Variants in PTPN9 observed in about 807,000 individuals in gnomAD.
PTPN9 encodes protein tyrosine phosphatase non-receptor type 9, also known as tyrosine-protein phosphatase non-receptor type 9.
PTPN9 carries 26 observed loss-of-function variants against 69.8 expected under a neutral mutation model. That is an observed-to-expected ratio of 0.37 (90% CI 0.27 to 0.52). The LOEUF is 0.52. PTPN9 is among the 20% of genes least tolerant of loss of function. PTPN9 has a pLI of 0.91. For missense variants in PTPN9, 549 were observed against 740.3 expected (o/e 0.74, Z 3.00); for synonymous variants, 274 against 272.5 (o/e 1.01, Z -0.05).
At chr15:75,552,609 T>C (rs912896008) in intron 1 of PTPN9, among the ~76,000 whole-genome samples, 7 of 151,836 alleles carry the variant, frequency 4.6e-5, no homozygotes, top group Admixed American at 1.3e-4. Flanking sequence ...CTGAGCATGT[T>C]TGCGGCTCAG....
At chr15:75,507,446 C>CAAAAAAAA (rs762520293) in intron 6 of PTPN9, among the ~76,000 whole-genome samples, 1 of 89,186 alleles carries the variant, frequency 1.1e-5, no homozygotes. Context: ...AACTCTGTCG[C>CAAAAAAAA]AAAAAAAAAA....
intron 1 of PTPN9, among the ~76,000 whole-genome samples, chr15:75,566,204 T>G (rs2075125819): frequency 6.6e-6 from 1 of 151,324 alleles, no homozygotes; most frequent in South Asian, 2.1e-4. Flanking sequence ...ATTCCTGAGA[T>G]CTACCAAAGG....
intron 1 of PTPN9, among the ~76,000 whole-genome samples, chr15:75,568,171 T>C (rs533272088): frequency 6.6e-6 from 1 of 151,948 alleles, no homozygotes; most frequent in Admixed American, 6.6e-5. Flanking sequence ...CTCTGCCTCC[T>C]GTTCGCACCC....
chr15:75,530,661 A>T lies in PTPN9; in HGVS notation c.64-3400T>A, dbSNP rs367714303. ...TATACTATAATATATATTATTATAT[A>T]ATATACTATTATATATATTATTATA... On this transcript the variant is annotated intron_variant, in intron 1 of 12. Coordinates refer to ENST00000618819, the MANE Select transcript of PTPN9 (RefSeq NM_002833.4). Among the ~76,000 whole-genome samples, 55 of 49,968 alleles carry T rather than the reference A, an allele frequency of 1.1e-3. 2 individuals are homozygous for T. Among genetic ancestry groups the T allele is most frequent in the African/African-American group, 9.9e-4 (9 of 9,084 alleles). The allele number at this position is 49,968 out of a possible 152,430, so 32.8% of individuals were successfully genotyped here.
At position 75,569,062 on chromosome 15, in the gene PTPN9, C is replaced by T. The variant is rs532177916; in HGVS notation, c.63+9652G>A. On this transcript the variant is annotated intron_variant, in intron 1 of 12. Coordinates refer to ENST00000618819, the MANE Select transcript of PTPN9 (RefSeq NM_002833.4). ...TGGTCAGGAAGAGCAACCAAGATCT[C>T]GCATGGAGGTGTGCTTAGGGGGAAA... 3.7e-4 allele frequency among the ~76,000 whole-genome samples: 57 copies of T among 152,150 alleles called. 1 individual carries two copies. Among genetic ancestry groups the T allele is most frequent in the African/African-American group, 1.3e-3 (55 of 41,522 alleles).
At chr15:75,486,912 G>C (rs1370032364) in intron 8 of PTPN9, among the ~76,000 whole-genome samples, 1 of 150,978 alleles carries the variant, frequency 6.6e-6, no homozygotes, top group Non-Finnish European at 1.5e-5. Flanking sequence ...GGCCTCCCGA[G>C]TAGCTGGGAC....
chr15:75,529,049 C>T (rs543404452), intron 1 of PTPN9, among the ~76,000 whole-genome samples: 11 of 151,816 alleles, frequency 7.2e-5, no homozygotes, highest in African/African-American at 2.4e-4. Context: ...TGCAGTGGTG[C>T]GATCTTGGCT....
intron 2 of PTPN9, among the ~76,000 whole-genome samples, chr15:75,525,955 G>T (rs1316721276): frequency 8.6e-5 from 13 of 151,300 alleles, no homozygotes; most frequent in Non-Finnish European, 1.6e-4. Context: ...AGAATCCAGT[G>T]CTGCCTTATC....
At chr15:75,524,594 A>G (rs1409356236) in intron 2 of PTPN9, among the ~76,000 whole-genome samples, 1 of 152,058 alleles carries the variant, frequency 6.6e-6, no homozygotes, top group Non-Finnish European at 1.5e-5. Flanking sequence ...CCTGGCCAAC[A>G]TGGTGAAACC....
At chr15:75,551,263 G>A (rs1226388581) in intron 1 of PTPN9, among the ~76,000 whole-genome samples, 1 of 151,968 alleles carries the variant, frequency 6.6e-6, no homozygotes, top group Non-Finnish European at 1.5e-5. Context: ...TAAATATGAG[G>A]AAATGAAGGC....
intron 9 of PTPN9, among the ~76,000 whole-genome samples, chr15:75,478,180 G>T (rs4886446): frequency 0.36 from 53,102 of 147,876 alleles, 10,577 homozygotes; most frequent in African/African-American, 0.54. Flanking sequence ...ATCTCTGCTC[G>T]CTGCAACCTC....
At chr15:75,564,211 A>G (rs2075116698) in intron 1 of PTPN9, among the ~76,000 whole-genome samples, 1 of 151,988 alleles carries the variant, frequency 6.6e-6, no homozygotes, top group South Asian at 2.1e-4. Flanking sequence ...TCAGCCTCCC[A>G]AAGTGTTGGA....
Position 75,468,829 on chromosome 15 carries a change from G to A in PTPN9, c.1722C>T (p.Phe574=), listed in dbSNP as rs137863856. 103 of 1,614,110 alleles carry A rather than the reference G, an allele frequency of 6.4e-5. 1 individual carries two copies. The African/African-American group carries it at 1.1e-3, about 17-fold the overall frequency. Residue 574 remains phenylalanine (F), a synonymous_variant, in exon 13 of 13, where the codon TTC becomes TTT. Coordinates refer to ENST00000618819, the MANE Select transcript of PTPN9 (RefSeq NM_002833.4). ...YYFCYKAILE[F]AEKEGMVSSG... is the part of the protein sequence containing the mutation. ...AGGATACCATGCCCTCCTTCTCTGC[G>A]AACTCCAGGATGGCCTTGTAGCAAA...
Position 75,470,665 on chromosome 15 carries a change from G to C in PTPN9, c.1359+15C>G. Reference sequence around the variant, plus strand: ...CCTGTTTCAACAAGGTGAGAAAAAAGAAACCTGGATTTACCTCTGTGTTGT... The same window carrying C: ...CCTGTTTCAACAAGGTGAGAAAAAACAAACCTGGATTTACCTCTGTGTTGT... On this transcript the variant is annotated intron_variant, in intron 11 of 12. Transcript: ENST00000618819. 3 of 1,610,360 alleles carry C rather than the reference G, an allele frequency of 1.9e-6. No homozygotes were observed. Among genetic ancestry groups the C allele is most frequent in the Non-Finnish European group, 2.5e-6 (3 of 1,178,228 alleles).
chr15:75,528,178 T>C (rs2074939631), intron 1 of PTPN9, among the ~76,000 whole-genome samples: 1 of 152,116 alleles, frequency 6.6e-6, no homozygotes, highest in Non-Finnish European at 1.5e-5. Context: ...CTCTGGATAG[T>C]GGTTTTGGAA....
chr15:75,488,971 C>T (rs1341681567), intron 8 of PTPN9, among the ~76,000 whole-genome samples: 1 of 151,730 alleles, frequency 6.6e-6, no homozygotes, highest in South Asian at 2.1e-4. Flanking sequence ...GTCAGGAGAT[C>T]GAGACCATCC....
chr15:75,550,322 C>T (rs1174577432), intron 1 of PTPN9, among the ~76,000 whole-genome samples: 2 of 151,646 alleles, frequency 1.3e-5, no homozygotes, highest in East Asian at 2.0e-4. Flanking sequence ...CCCGCCACTA[C>T]ATCCAGCTGA....
rs148910390 is a variant in PTPN9 at position 75,483,715 on chromosome 15, C to A, written c.1063-3801G>T. ...TGTATGGTATGTGAACTGTTGGAGG[C>A]CGAAAGAATGAGGGTCATGATCAAC... is the stretch of plus-strand genomic sequence containing the variant. On this transcript the variant is annotated intron_variant, in intron 8 of 12. Transcript: ENST00000618819. Among the ~76,000 whole-genome samples, 86 of 152,214 alleles carry A rather than the reference C, an allele frequency of 5.6e-4. 1 individual carries two copies. In the East Asian group the frequency reaches 0.016, roughly 29 times the overall value.
At chr15:75,518,527 G>A (rs2074884231) in intron 4 of PTPN9, among the ~76,000 whole-genome samples, 1 of 151,094 alleles carries the variant, frequency 6.6e-6, no homozygotes, top group Non-Finnish European at 1.5e-5. Flanking sequence ...GGTATTAATA[G>A]TAAGCCATGG....
Sources: gnomAD v4.1 joint callset for allele counts (sites outside exome capture counted in the v4.1 genomes callset) on GRCh38, gnomAD v4.1.1 for gene constraint, MANE v1.5 for transcripts, NCBI Gene and HGNC (gene_info 2026-07-23, HGNC 2026-07-21) for gene names.